TAF12: variants seen among roughly 807,000 people sequenced by gnomAD.
TAF12 encodes the protein TATA-box binding protein associated factor 12.
Under a neutral mutation model 20.8 loss-of-function variants are expected in TAF12, and 3 were observed. The observed-to-expected ratio is 0.14, with a 90% confidence interval of 0.07 to 0.37. The LOEUF (loss-of-function observed/expected upper bound fraction) is 0.37, where lower values mean the gene tolerates loss of function less well. Among genes scored for constraint, TAF12 ranks in the 10% least tolerant of loss-of-function variants. The pLI is 1.00. For synonymous variants in TAF12, 69 were observed against 70.2 expected, an observed-to-expected ratio of 0.98 and a Z score of 0.09; for missense variants, 131 against 197.9, an observed-to-expected ratio of 0.66 and a Z score of 2.03.
chr1:28,638,698 C>A (rs1304159904), intron 1 of TAF12, among the ~76,000 whole-genome samples: 1 of 151,026 alleles, frequency 6.6e-6, no homozygotes, highest in African/African-American at 2.4e-5. Flanking sequence ...GTTGGCCAGG[C>A]TGGTCTCGAA....
At chr1:28,647,664 G>C (rs1668231764), upstream of TAF12, among the ~76,000 whole-genome samples, 1 of 152,094 alleles carries the variant, frequency 6.6e-6, no homozygotes, top group Non-Finnish European at 1.5e-5. Context: ...ACAAAGTCAG[G>C]AGATCGAGAC....
At chr1:28,629,056 G>C (rs1278629364) in intron 1 of TAF12, among the ~76,000 whole-genome samples, 1 of 152,218 alleles carries the variant, frequency 6.6e-6, no homozygotes, top group Non-Finnish European at 1.5e-5. Flanking sequence ...GGGTGACAGA[G>C]CAAGACTCCG....
chr1:28,636,664 G>A (rs1437148165), intron 1 of TAF12, among the ~76,000 whole-genome samples: 7 of 151,796 alleles, frequency 4.6e-5, no homozygotes, highest in African/African-American at 1.7e-4. Context: ...TGCCAGGCGT[G>A]GTGGCATGCA....
At chr1:28,614,247 A>T (rs1345314841) in intron 3 of TAF12, among the ~76,000 whole-genome samples, 1 of 151,266 alleles carries the variant, frequency 6.6e-6, no homozygotes, top group Non-Finnish European at 1.5e-5. Context: ...AAAACAAAAA[A>T]CCAATAATTA....
intron 1 of TAF12, among the ~76,000 whole-genome samples, chr1:28,640,871 T>C (rs1368299420): frequency 6.6e-6 from 1 of 152,030 alleles, no homozygotes; most frequent in Non-Finnish European, 1.5e-5. Flanking sequence ...AGGCCAAGAA[T>C]TCAACAGCAG....
chr1:28,608,218 G>A (rs1189113972), intron 4 of TAF12, among the ~76,000 whole-genome samples: 5 of 150,562 alleles, frequency 3.3e-5, no homozygotes, highest in African/African-American at 1.2e-4. Context: ...GGTGGCGGGC[G>A]CCTGTAGTCC....
chr1:28,605,223 C>G, intron 5 of TAF12, 149 bp downstream of exon 5: 1 of 710,914 alleles, frequency 1.4e-6, no homozygotes, highest in Non-Finnish European at 2.4e-6. Context: ...CCGCTGCTGC[C>G]TCTTGCCCTC....
intron 1 of TAF12, among the ~76,000 whole-genome samples, chr1:28,632,643 G>GA (rs952901987): frequency 6.4e-4 from 97 of 151,348 alleles, no homozygotes; most frequent in African/African-American, 2.3e-3. Flanking sequence ...GGCCACTCTG[G>GA]AAAAAAAAAG....
intron 1 of TAF12, among the ~76,000 whole-genome samples, chr1:28,626,330 A>G (rs1667390928): frequency 6.6e-6 from 1 of 151,864 alleles, no homozygotes; most frequent in Non-Finnish European, 1.5e-5. Flanking sequence ...CTGTAATCCC[A>G]GCACTTTAGG....
Position 28,622,062 on chromosome 1 carries a change from G to C in TAF12, c.20C>G (p.Ser7Ter). 1 of 1,613,416 alleles carries C rather than the reference G, an allele frequency of 6.2e-7. No homozygotes were observed. Among genetic ancestry groups the C allele is most frequent in the Non-Finnish European group, 8.5e-7 (1 of 1,179,900 alleles). MNQFGP[S>*]ALINLSNFSS... ...GAAATTGGAGAGGTTGATTAGGGCT[G>C]AGGGGCCAAACTGGTTCATAATCTG... is the stretch of plus-strand genomic sequence containing the variant. Residue 7 changes from serine to a stop codon, truncating the protein, a stop_gained, in exon 2 of 6, where the codon TCA (serine) becomes TGA (stop). Transcript: ENST00000373824. LOFTEE classifies it high-confidence loss of function.
intron 1 of TAF12, among the ~76,000 whole-genome samples, chr1:28,627,665 CAAAAAA>C (rs61016146): frequency 0.26 from 26,427 of 103,454 alleles, 3,084 homozygotes; most frequent in Middle Eastern, 0.43. Context: ...TGCACTCCCT[CAAAAAA>C]AAAAAAAAAA....
At chr1:28,609,557 G>C (rs1666784770) in intron 4 of TAF12, among the ~76,000 whole-genome samples, 1 of 151,972 alleles carries the variant, frequency 6.6e-6, no homozygotes, top group East Asian at 1.9e-4. Flanking sequence ...TGTGATCTTG[G>C]CTCACTGCAA....
At chr1:28,630,557 A>C (rs1305667436) in intron 1 of TAF12, among the ~76,000 whole-genome samples, 1 of 151,980 alleles carries the variant, frequency 6.6e-6, no homozygotes, top group Non-Finnish European at 1.5e-5. Flanking sequence ...GTCTCAAAAA[A>C]AAAAAAATTC....
Position 28,603,309 on chromosome 1 carries a change from A to T in TAF12, c.*230T>A. 1.8e-6 allele frequency: 1 copy of T among 547,980 alleles called. No homozygotes were observed. Among genetic ancestry groups the T allele is most frequent in the Non-Finnish European group, 3.2e-6 (1 of 308,032 alleles). The allele number at this position is 547,980 out of a possible 1,614,324, so 33.9% of individuals were successfully genotyped here. On this transcript the variant is annotated 3_prime_UTR_variant, in exon 6 of 6. Coordinates refer to ENST00000373824, the MANE Select transcript of TAF12 (RefSeq NM_005644.4). ...CCACAAATAAAATCTTCTCTGGAAG[A>T]TACATTGCTCCTCTTTGAGATGGCA... is the stretch of plus-strand genomic sequence containing the variant.
chr1:28,613,207 C>T (rs1004583007), intron 4 of TAF12, 40 bp downstream of exon 4: 4 of 1,524,406 alleles, frequency 2.6e-6, no homozygotes, highest in African/African-American at 1.4e-5. Context: ...CCTGAAGAAG[C>T]AGTTGAATCC....
At position 28,622,149 on chromosome 1, in the gene TAF12, G is replaced by C. The variant is rs1570314937; in HGVS notation, c.-68C>G. 2 of 1,528,454 alleles carry C rather than the reference G, an allele frequency of 1.3e-6. No homozygotes were observed. 94.7% of individuals were successfully genotyped at this position (1,528,454 alleles called of 1,614,324 possible). ...ATCCTGTTTCTTTTTGGAGCTGTGA[G>C]GACCAAGGCCAATTAACTGGAGAAG... On this transcript the variant is annotated 5_prime_UTR_variant, in exon 2 of 6. Coordinates refer to ENST00000373824, the MANE Select transcript of TAF12 (RefSeq NM_005644.4).
At chr1:28,641,253 G>A (rs908273962) in intron 1 of TAF12, among the ~76,000 whole-genome samples, 7 of 152,130 alleles carry the variant, frequency 4.6e-5, no homozygotes, top group African/African-American at 1.7e-4. Context: ...AGGCTGAGGC[G>A]GGCGGATCAC....
In TAF12 at chr1:28,613,393, G is replaced by A. The variant is rs571999158; in HGVS notation, c.247-32C>T. 74 of 1,565,188 alleles carry A rather than the reference G, an allele frequency of 4.7e-5. No homozygotes were observed. The East Asian group carries it at 1.2e-3, about 25-fold the overall frequency. On this transcript the variant is annotated intron_variant, in intron 3 of 5. Transcript: ENST00000373824. ...AAGGTAAAGTGGGAAGAGTCAGCAC[G>A]ACATTGGCAGGGTAGGCTCCTGTTG...
chr1:28,637,029 A>G (rs1441070987), intron 1 of TAF12, among the ~76,000 whole-genome samples: 1 of 152,040 alleles, frequency 6.6e-6, no homozygotes, highest in Admixed American at 6.6e-5. Context: ...TGCTAACCCA[A>G]CACACATATC....
Sources: allele counts gnomAD v4.1 joint callset (sites outside exome capture counted in the v4.1 genomes callset), GRCh38; gene constraint gnomAD v4.1.1; transcripts MANE v1.5; gene names NCBI Gene and HGNC (gene_info 2026-07-23, HGNC 2026-07-21).